EPHA6: variants seen among roughly 807,000 people sequenced by gnomAD.
EPHA6 encodes the protein ephrin type-A receptor 6.
EPHA6 carries 50 observed loss-of-function variants against 112.0 expected under a neutral mutation model. The ratio of observed to expected loss-of-function variants is 0.45; its 90% CI spans 0.36 to 0.56. The LOEUF (loss-of-function observed/expected upper bound fraction) is 0.56, where lower values mean the gene tolerates loss of function less well. Ranked by LOEUF, EPHA6 falls within the 20% of genes least tolerant of loss-of-function variation. EPHA6 has a pLI of 0.00. For missense variants in EPHA6, 1,280 were observed against 1,417.4 expected, an observed-to-expected ratio of 0.90 and a Z score of 1.56; for synonymous variants, 529 against 490.7, an observed-to-expected ratio of 1.08 and a Z score of -1.03.
At chr3:96,975,037 G>C (rs1185857937) in intron 2 of EPHA6, among the ~76,000 whole-genome samples, 1 of 152,140 alleles carries the variant, frequency 6.6e-6, no homozygotes, top group Non-Finnish European at 1.5e-5. Flanking sequence ...ATCTAGGCTA[G>C]AGCCTTTACT....
chr3:97,578,411 C>A (rs193258463), intron 11 of EPHA6, among the ~76,000 whole-genome samples: 1 of 152,304 alleles, frequency 6.6e-6, no homozygotes, highest in Admixed American at 6.5e-5. Context: ...CTGGAAATTG[C>A]AAACACTACT....
chr3:97,555,102 C>A (rs2093085636), intron 11 of EPHA6, among the ~76,000 whole-genome samples: 1 of 150,950 alleles, frequency 6.6e-6, no homozygotes, highest in South Asian at 2.1e-4. Flanking sequence ...CACAACAGTC[C>A]CCAGAGTGTG....
chr3:97,241,662 T>C (rs998489497), intron 4 of EPHA6, among the ~76,000 whole-genome samples: 81 of 151,720 alleles, frequency 5.3e-4, no homozygotes, highest in African/African-American at 1.9e-3. Flanking sequence ...AATCACAGTT[T>C]AGCTGGCATA....
chr3:97,125,315 G>T (rs1249665356), intron 3 of EPHA6, among the ~76,000 whole-genome samples: 3 of 152,118 alleles, frequency 2.0e-5, no homozygotes, highest in African/African-American at 4.8e-5. Flanking sequence ...CTGGCATATT[G>T]CATTAAGTAC....
chr3:97,486,885 T>G (rs557819272), intron 10 of EPHA6, among the ~76,000 whole-genome samples: 2 of 152,360 alleles, frequency 1.3e-5, no homozygotes, highest in African/African-American at 4.8e-5. Flanking sequence ...CTGGTTACTT[T>G]CCCAATTTGT....
At chr3:97,566,320 AC>A (rs1485597579) in intron 11 of EPHA6, among the ~76,000 whole-genome samples, 6 of 152,094 alleles carry the variant, frequency 3.9e-5, no homozygotes, top group Non-Finnish European at 2.9e-5. Context: ...ATCAGGCCCC[AC>A]CTCCAACATT....
At chr3:97,014,446 C>T (rs1361739202) in intron 3 of EPHA6, among the ~76,000 whole-genome samples, 1 of 150,870 alleles carries the variant, frequency 6.6e-6, no homozygotes, top group Non-Finnish European at 1.5e-5. Flanking sequence ...TCTTCCTTTC[C>T]TTTCCTTTCC....
chr3:97,044,260 A>G (rs952621894), intron 3 of EPHA6, among the ~76,000 whole-genome samples: 4 of 152,162 alleles, frequency 2.6e-5, no homozygotes, highest in Admixed American at 6.6e-5. Context: ...CAGCTTTATA[A>G]TATTTCACAT....
chr3:97,044,402 T>C (rs940378580), intron 3 of EPHA6, among the ~76,000 whole-genome samples: 31 of 152,150 alleles, frequency 2.0e-4, no homozygotes, highest in African/African-American at 7.2e-4. Flanking sequence ...TAACCCTCTA[T>C]GTTGTGTAAG....
chr3:97,006,586 T>C (rs1478381771), intron 3 of EPHA6, among the ~76,000 whole-genome samples: 1 of 152,094 alleles, frequency 6.6e-6, no homozygotes, highest in Non-Finnish European at 1.5e-5. Context: ...TTTGGAATGT[T>C]GTTCTTGTCT....
chr3:96,990,276 T>C (rs994944935), intron 3 of EPHA6, among the ~76,000 whole-genome samples: 8 of 152,154 alleles, frequency 5.3e-5, no homozygotes, highest in African/African-American at 1.9e-4. Context: ...TGCCTGCAAA[T>C]TTCTTCTATG....
chr3:97,701,721 C>T (rs1275644405), intron 14 of EPHA6, among the ~76,000 whole-genome samples: 1 of 151,070 alleles, frequency 6.6e-6, no homozygotes, highest in African/African-American at 2.4e-5. Flanking sequence ...TTATATATAC[C>T]TACCTTCTTG....
At chr3:97,480,682 TC>T (rs1408667345) in intron 9 of EPHA6, among the ~76,000 whole-genome samples, 1 of 152,154 alleles carries the variant, frequency 6.6e-6, no homozygotes, top group African/African-American at 2.4e-5. Context: ...TCCCCACATT[TC>T]CCCCTTTTCT....
At chr3:97,190,075 A>C (rs925823639) in intron 3 of EPHA6, among the ~76,000 whole-genome samples, 13 of 152,102 alleles carry the variant, frequency 8.5e-5, no homozygotes, top group African/African-American at 3.1e-4. Flanking sequence ...TAGTGGATAC[A>C]GTAGGCAGGG....
chr3:96,911,181 T>C (rs1348224258), intron 2 of EPHA6, among the ~76,000 whole-genome samples: 1 of 152,094 alleles, frequency 6.6e-6, no homozygotes, highest in Non-Finnish European at 1.5e-5. Context: ...TTCTGTTTAA[T>C]CTGATGAGCA....
At chr3:97,413,473 G>T (rs2087880948) in intron 6 of EPHA6, among the ~76,000 whole-genome samples, 1 of 151,924 alleles carries the variant, frequency 6.6e-6, no homozygotes, top group African/African-American at 2.4e-5. Flanking sequence ...TAGCCCCAAT[G>T]AATCTACATT....
rs1484773912 is a variant in EPHA6, at chr3:96,814,838, C to G, written c.215C>G (p.Thr72Ser). Reference protein sequence around the residue: ...EEDVDKDPHPTQNTCLRCRHF... With the variant: ...EEDVDKDPHPSQNTCLRCRHF... ...GACGTGGACAAGGACCCCCATCCTACCCAGAACACCTGCCTGCGCTGCCGC... is the reference window on the plus strand; with the variant it reads ...GACGTGGACAAGGACCCCCATCCTAGCCAGAACACCTGCCTGCGCTGCCGC... The change falls in exon 1 of 18, where the codon ACC (threonine) becomes AGC (serine). Residue 72 changes from threonine to serine, a missense_variant. Coordinates refer to ENST00000389672, the MANE Select transcript of EPHA6 (RefSeq NM_001080448.3). The G allele has an allele frequency of 6.3e-7, 1 of 1,578,436 alleles. No individual in the cohort carries two copies. The highest frequency in any genetic ancestry group is 8.6e-7 in the Non-Finnish European group (1 of 1,161,728).
chr3:96,904,443 A>G (rs1311923477), intron 2 of EPHA6, among the ~76,000 whole-genome samples: 2 of 115,358 alleles, frequency 1.7e-5, no homozygotes, highest in Non-Finnish European at 3.3e-5. Flanking sequence ...AACATCACAC[A>G]CTGGGGTCTG....
chr3:97,478,854 G>T lies in EPHA6; in HGVS notation c.2004-440G>T, dbSNP rs1416140867. On this transcript the variant is annotated intron_variant, in intron 8 of 17. Transcript: ENST00000389672. ...TTGAGAGCATGGTTATCCAGAGGGAGACTAGAACATGCCTCTACCAAATTC... is the reference window on the plus strand; with the variant it reads ...TTGAGAGCATGGTTATCCAGAGGGATACTAGAACATGCCTCTACCAAATTC... Among the ~76,000 whole-genome samples, 7 of 152,104 alleles carry T rather than the reference G, an allele frequency of 4.6e-5. No homozygotes were observed. In the South Asian group the frequency reaches 1.2e-3, roughly 27 times the overall value.
Sources: allele counts gnomAD v4.1 joint callset (sites outside exome capture counted in the v4.1 genomes callset), GRCh38; gene constraint gnomAD v4.1.1; transcripts MANE v1.5; gene names NCBI Gene and HGNC (gene_info 2026-07-23, HGNC 2026-07-21).